Variants in AGAP9 observed in about 807,000 individuals in gnomAD.
AGAP9 encodes arf-GAP with GTPase, ANK repeat and PH domain-containing protein 9.
Under a neutral mutation model 55.6 loss-of-function variants are expected in AGAP9, and 23 were observed. The observed-to-expected ratio is 0.41, with a 90% CI of 0.30 to 0.59. The LOEUF is 0.59. AGAP9 is among the 20% of genes least tolerant of loss of function. The probability of loss-of-function intolerance (pLI) is 0.25; values close to 1 mark genes in which losing one functional copy is unlikely to be tolerated. For missense variants in AGAP9, 309 were observed against 808.1 expected (o/e 0.38, Z 7.49); for synonymous variants, 120 against 305.0 (o/e 0.39, Z 6.32).
intron 4 of AGAP9, among the ~76,000 whole-genome samples, chr10:47,510,867 G>A (rs1324573458): frequency 7.9e-6 from 1 of 126,292 alleles, no homozygotes; most frequent in African/African-American, 3.1e-5. Context: ...AGTTTAAAAT[G>A]AGATTTCATA....
chr10:47,502,972 C>A lies in AGAP9; in HGVS notation c.1157G>T (p.Ser386Ile), dbSNP rs1219232957. The A allele has an allele frequency of 1.3e-6, 2 of 1,563,720 alleles. No homozygotes were observed. Among genetic ancestry groups the A allele is most frequent in the East Asian group, 4.9e-5 (2 of 41,224 alleles). ...CFSPGISSTT[S>I]PKLNPPPSPH... ...AGAGGGGGGCGGGTTGAGCTTGGGG[C>A]TGGTGGTGCTGGAGATACCGGGGCT... Residue 386 changes from serine to isoleucine, a missense_variant, in exon 8 of 8, where the codon AGC (serine) becomes ATC (isoleucine). Physicochemically the swap from Ser to Ile is moderately radical, Grantham distance 142. Coordinates refer to ENST00000452145, the MANE Select transcript of AGAP9 (RefSeq NM_001190810.1).
In AGAP9 at chr10:47,503,105, C is replaced by T; in HGVS notation, c.1024G>A (p.Gly342Arg). The T allele has an allele frequency of 1.2e-6, 2 of 1,611,430 alleles. No individual in the cohort carries two copies. Among genetic ancestry groups the T allele is most frequent in the Admixed American group, 1.7e-5 (1 of 59,622 alleles). ...DLRTSTIKVP[G>R]KWPSLATSAC... ...GATGTGGCTAGGGATGGCCACTTTC[C>T]TGGGACTTTGATGGTAGATGTCCGA... Residue 342 changes from glycine (G) to arginine (R), a missense_variant, in exon 8 of 8, where the codon GGA becomes AGA. Gly to Arg is a moderately radical substitution (Grantham distance 125). Transcript: ENST00000452145.
chr10:47,511,025 G>T (rs1295152010), intron 4 of AGAP9, among the ~76,000 whole-genome samples: 1 of 126,762 alleles, frequency 7.9e-6, no homozygotes, highest in Non-Finnish European at 1.6e-5. Flanking sequence ...CTCACTGCAA[G>T]CTCCGCCTCC....
At chr10:47,516,048 A>T (rs1840710204) in intron 4 of AGAP9, among the ~76,000 whole-genome samples, 1 of 127,514 alleles carries the variant, frequency 7.8e-6, no homozygotes, top group African/African-American at 3.1e-5. Context: ...TTCAATAGAA[A>T]TAGTAGAGGA....
rs1225560989 is a variant in AGAP9, at chr10:47,516,233, G to A, written c.396+1590C>T. Among the ~76,000 whole-genome samples the A allele has an allele frequency of 1.8e-3, 141 of 80,526 alleles. 2 individuals carry two copies. The highest frequency in any genetic ancestry group is 6.9e-3 in the African/African-American group (130 of 18,834). The allele number at this position is 80,526 out of a possible 152,430, so 52.8% of individuals were successfully genotyped here. ...AAAAAAAAATTCTCAAGAAGAGATA[G>A]TCTGCAGGTTTAGTAGCCTCAATAA... On this transcript the variant is annotated intron_variant, in intron 4 of 7. Coordinates refer to ENST00000452145, the MANE Select transcript of AGAP9 (RefSeq NM_001190810.1).
rs1326628070 is a variant in AGAP9 at position 47,502,976 on chromosome 10, T to A, written c.1153A>T (p.Thr385Ser). The A allele has an allele frequency of 6.4e-7, 1 of 1,562,638 alleles. No individual in the cohort carries two copies. Among genetic ancestry groups the A allele is most frequent in the African/African-American group, 1.5e-5 (1 of 65,494 alleles). ...ICFSPGISST[T>S]SPKLNPPPSP... ...GGGGGCGGGTTGAGCTTGGGGCTGG[T>A]GGTGCTGGAGATACCGGGGCTGAAG... The change falls in exon 8 of 8, where the codon ACC becomes TCC. Residue 385 changes from threonine to serine, a missense_variant. Thr to Ser is a moderately conservative substitution (Grantham distance 58). Transcript: ENST00000452145.
intron 2 of AGAP9, among the ~76,000 whole-genome samples, 186 bp from the exon 3 acceptor site, chr10:47,520,753 C>T (rs1840807251): frequency 1.1e-5 from 1 of 95,002 alleles, no homozygotes; most frequent in Non-Finnish European, 1.9e-5. Flanking sequence ...CCCAGCTACT[C>T]AGGAGGCTGA....
chr10:47,505,339 T>A, intron 6 of AGAP9, among the ~76,000 whole-genome samples: 1 of 78,054 alleles, frequency 1.3e-5, no homozygotes, highest in Non-Finnish European at 2.4e-5. Flanking sequence ...ACCAATTACA[T>A]TAGTAGTCAT....
rs1326137736 is a variant in AGAP9 at position 47,507,875 on chromosome 10, G to A, written c.498-292C>T. On this transcript the variant is annotated intron_variant, in intron 5 of 7. Transcript: ENST00000452145. ...TGCTTTTCTACCGATGAAACCTTTC[G>A]TCCCATGCGATTTATTTTATGTATT... Among the ~76,000 whole-genome samples, 43 of 100,194 alleles carry A rather than the reference G, an allele frequency of 4.3e-4. 2 individuals carry two copies. Among genetic ancestry groups the A allele is most frequent in the African/African-American group, 1.3e-3 (34 of 26,166 alleles). 65.7% of individuals were successfully genotyped at this position (100,194 alleles called of 152,430 possible). A position where few individuals can be genotyped will look rare whatever the true frequency, so the allele number is the denominator to read the frequency against.
chr10:47,502,189 G>T lies in AGAP9; in HGVS notation c.1940C>A (p.Thr647Lys). The T allele has an allele frequency of 1.1e-5, 17 of 1,541,388 alleles. 4 individuals carry two copies. The highest frequency in any genetic ancestry group is 1.3e-5 in the Non-Finnish European group (15 of 1,141,950). ...VVLEQLLTGW[T>K]SWPEMPTGTQ... ...TCCCGTGGGCATCTCGGGCCATGAC[G>T]TCCACCCCGTCAGGAGCTGCTCCAG... The change falls in exon 8 of 8, where the codon ACG (threonine) becomes AAG (lysine). Residue 647 changes from threonine (T) to lysine (K), a missense_variant. Transcript: ENST00000452145.
Position 47,502,760 on chromosome 10 carries a change from G to C in AGAP9, c.1369C>G (p.Gln457Glu). Residue 457 changes from glutamine to glutamate, a missense_variant, in exon 8 of 8, where the codon CAG becomes GAG. Coordinates refer to ENST00000452145, the MANE Select transcript of AGAP9 (RefSeq NM_001190810.1). ...QSCKSSKSKSQLTSQSEAMAL... is the reference protein window; with the variant it reads ...QSCKSSKSKSELTSQSEAMAL... ...ATGGCCTCACTCTGGCTGGTCAGCT[G>C]GGACTTGCTTTTACTGCTCTTGCAT... 1.3e-6 allele frequency: 2 copies of C among 1,590,318 alleles called. No individual in the cohort carries two copies. The highest frequency in any genetic ancestry group is 4.7e-5 in the East Asian group (2 of 42,678).
chr10:47,513,324 T>C (rs1840666804), intron 4 of AGAP9, among the ~76,000 whole-genome samples: 1 of 142,374 alleles, frequency 7.0e-6, no homozygotes, highest in Non-Finnish European at 1.5e-5. Context: ...TGAGCCACCG[T>C]GCCTGGCCCG....
rs1230905724 is a variant in AGAP9, at chr10:47,519,083, G to A, written c.362-1226C>T. On this transcript the variant is annotated intron_variant, in intron 3 of 7. Coordinates refer to ENST00000452145, the MANE Select transcript of AGAP9 (RefSeq NM_001190810.1). ...TAATGTTGGAGACAGGGCCTAGTGG[G>A]AGGCATTTGGGTAATGGCAGTGGAT... 2.6e-4 allele frequency among the ~76,000 whole-genome samples: 35 copies of A among 136,956 alleles called. 4 individuals are homozygous for A. In the Middle Eastern group the frequency reaches 0.015, roughly 58 times the overall value. 89.8% of individuals were successfully genotyped at this position (136,956 alleles called of 152,430 possible).
intron 2 of AGAP9, among the ~76,000 whole-genome samples, chr10:47,520,952 T>C (rs1473951945): frequency 8.2e-6 from 1 of 122,624 alleles, no homozygotes; most frequent in Non-Finnish European, 1.6e-5. Context: ...AGACAGTCTA[T>C]TTTATAGGCA....
In AGAP9 at chr10:47,513,655, G is replaced by A. The variant is rs1238552261; in HGVS notation, c.397-3384C>T. Among the ~76,000 whole-genome samples the A allele has an allele frequency of 2.1e-5, 3 of 139,790 alleles. 1 individual carries two copies. The highest frequency in any genetic ancestry group is 5.9e-4 in the East Asian group (2 of 3,362). 91.7% of individuals were successfully genotyped at this position (139,790 alleles called of 152,430 possible). A position where few individuals can be genotyped will look rare whatever the true frequency, so the allele number is the denominator to read the frequency against. The stretch of plus-strand genomic sequence containing the variant: ...CAAACTATACTATAAGGCCATAGTC[G>A]CCAAAATAGCACGGTACTGATATAA... On this transcript the variant is annotated intron_variant, in intron 4 of 7. Coordinates refer to ENST00000452145, the MANE Select transcript of AGAP9 (RefSeq NM_001190810.1).
chr10:47,514,199 C>G (rs1298531805), intron 4 of AGAP9, among the ~76,000 whole-genome samples: 1 of 146,314 alleles, frequency 6.8e-6, no homozygotes, highest in Admixed American at 6.8e-5. Context: ...TGGAACCAGC[C>G]CAAATGCCCA....
chr10:47,506,318 GT>G (rs1840474466), intron 6 of AGAP9, among the ~76,000 whole-genome samples: 1 of 136,566 alleles, frequency 7.3e-6, no homozygotes, highest in African/African-American at 2.7e-5. Flanking sequence ...ATGAGGTTAG[GT>G]CATCTTATTG....
At chr10:47,508,141 C>T (rs1840522339) in intron 5 of AGAP9, among the ~76,000 whole-genome samples, 1 of 111,520 alleles carries the variant, frequency 9.0e-6, no homozygotes. Context: ...CTCGGCTCAC[C>T]ACAACCTCTG....
In AGAP9 at chr10:47,502,209, C is replaced by T. The variant is rs1840364374; in HGVS notation, c.1920G>A (p.Glu640=). Residue 640 remains glutamate, a synonymous_variant, in exon 8 of 8, where the codon GAG becomes GAA. Transcript: ENST00000452145. ...ATGACGTCCACCCCGTCAGGAGCTG[C>T]TCCAGGACCACATTCCCCTTGCGGC... ...LACRKGNVVL[E]QLLTGWTSWP... 2.6e-6 allele frequency: 4 copies of T among 1,550,538 alleles called. No homozygotes were observed. Among genetic ancestry groups the T allele is most frequent in the Admixed American group, 1.8e-5 (1 of 56,366 alleles).
Sources: allele counts gnomAD v4.1 joint callset (sites outside exome capture counted in the v4.1 genomes callset), GRCh38; gene constraint gnomAD v4.1.1; transcripts MANE v1.5; gene names NCBI Gene and HGNC (gene_info 2026-07-23, HGNC 2026-07-21).